The following SND1 variants were observed in gnomAD, a reference collection of about 807,000 sequenced individuals.
SND1 encodes staphylococcal nuclease domain-containing protein 1.
SND1 carries 38 observed loss-of-function variants against 121.7 expected under a neutral mutation model. The observed-to-expected ratio is 0.31, with a 90% confidence interval of 0.24 to 0.41. The LOEUF (loss-of-function observed/expected upper bound fraction) is 0.41. Among genes scored for constraint, SND1 ranks in the 10% least tolerant of loss-of-function variants. The pLI is 1.00. For missense variants in SND1, 868 were observed against 1,184.6 expected (o/e 0.73, Z 3.92); for synonymous variants, 401 against 447.4 (o/e 0.90, Z 1.31).
chr7:127,922,723 T>G (rs1471917522), intron 14 of SND1, among the ~76,000 whole-genome samples: 2 of 152,202 alleles, frequency 1.3e-5, no homozygotes, highest in Non-Finnish European at 2.9e-5. Flanking sequence ...TTTGGAAACT[T>G]TGCTTAGCCA....
intron 15 of SND1, among the ~76,000 whole-genome samples, chr7:127,955,002 T>C (rs1801559970): frequency 6.6e-6 from 1 of 152,146 alleles, no homozygotes; most frequent in Admixed American, 6.5e-5. Flanking sequence ...ATCCTGCCAA[T>C]AAAGAATCTC....
At chr7:127,898,334 C>T (rs1318728904) in intron 13 of SND1, among the ~76,000 whole-genome samples, 1 of 152,154 alleles carries the variant, frequency 6.6e-6, no homozygotes, top group African/African-American at 2.4e-5. Context: ...AGTCTATGCA[C>T]TCTCAATCTT....
At chr7:127,866,471 G>A (rs1799479627) in intron 12 of SND1, among the ~76,000 whole-genome samples, 1 of 152,114 alleles carries the variant, frequency 6.6e-6, no homozygotes, top group African/African-American at 2.4e-5. Context: ...GTTCCTTGGG[G>A]TATTGAGAGA....
intron 16 of SND1, among the ~76,000 whole-genome samples, chr7:128,001,872 G>A (rs778938950): frequency 5.9e-5 from 9 of 152,132 alleles, no homozygotes; most frequent in Non-Finnish European, 1.0e-4. Context: ...CGGAGGTTGC[G>A]GTGAGCCAAG....
intron 16 of SND1, chr7:128,031,739 GCGGCGGCGGCCGCAGCCCC>G (rs1344950336): frequency 1.4e-5 from 2 of 144,418 alleles, no homozygotes; most frequent in African/African-American, 5.0e-5. Flanking sequence ...GGGTCCGGCG[GCGGCGGCGGCCGCAGCCCC>G]CGGCGGCGCG....
At chr7:127,666,788 C>A (rs989438612) in intron 1 of SND1, among the ~76,000 whole-genome samples, 1 of 152,118 alleles carries the variant, frequency 6.6e-6, no homozygotes, top group Non-Finnish European at 1.5e-5. Context: ...GTGTGCAGAT[C>A]TGTGTTTGAT....
At chr7:127,885,995 A>G (rs1799899030) in intron 12 of SND1, among the ~76,000 whole-genome samples, 1 of 151,978 alleles carries the variant, frequency 6.6e-6, no homozygotes. Context: ...CTTAGTTTAA[A>G]TCCTCACCAT....
At chr7:127,969,492 G>T (rs968182866) in intron 15 of SND1, among the ~76,000 whole-genome samples, 1 of 152,160 alleles carries the variant, frequency 6.6e-6, no homozygotes, top group Non-Finnish European at 1.5e-5. Context: ...TTGGGAGGCC[G>T]AGGCGGGCAG....
intron 15 of SND1, among the ~76,000 whole-genome samples, chr7:127,931,651 A>T (rs1800957658): frequency 6.6e-6 from 1 of 152,232 alleles, no homozygotes; most frequent in Non-Finnish European, 1.5e-5. Flanking sequence ...GAGAGAAGTC[A>T]GTGCCTGCCT....
chr7:127,786,094 C>CT (rs796712033), intron 10 of SND1, among the ~76,000 whole-genome samples: 1,620 of 147,166 alleles, frequency 0.011, 17 homozygotes, highest in Non-Finnish European at 0.018. Context: ...TGTTGACATC[C>CT]TTTTTTTTTT....
At position 127,766,934 on chromosome 7, in the gene SND1, G is replaced by A. The variant is rs139969269; in HGVS notation, c.1153-40550G>A. On this transcript the variant is annotated intron_variant, in intron 10 of 23. Transcript: ENST00000354725. ...AGTTCCTCCAGGCTCTGGTGCCTGC[G>A]TTTTGTGGTTTGTAAAGTGCTGTGT... 4.0e-3 allele frequency among the ~76,000 whole-genome samples: 614 copies of A among 151,784 alleles called. 9 individuals are homozygous for A. Among genetic ancestry groups the A allele is most frequent in the East Asian group, 0.027 (141 of 5,144 alleles).
intron 16 of SND1, among the ~76,000 whole-genome samples, chr7:128,013,568 A>G (rs1053062173): frequency 2.6e-5 from 4 of 152,242 alleles, no homozygotes; most frequent in African/African-American, 9.6e-5. Context: ...ACTAGGGATC[A>G]GTTTCATGGA....
chr7:127,685,593 C>G (rs1795798419), intron 1 of SND1, among the ~76,000 whole-genome samples: 1 of 152,204 alleles, frequency 6.6e-6, no homozygotes, highest in South Asian at 2.1e-4. Flanking sequence ...TTCTCCCCTG[C>G]AAATACTTTA....
intron 21 of SND1, among the ~76,000 whole-genome samples, chr7:128,087,918 C>G (rs1417468063): frequency 6.6e-6 from 1 of 152,128 alleles, no homozygotes; most frequent in Non-Finnish European, 1.5e-5. Flanking sequence ...CCAGATCCCC[C>G]GGGAGCTCAG....
At chr7:127,990,623 G>A (rs542953220) in intron 15 of SND1, among the ~76,000 whole-genome samples, 42 of 152,326 alleles carry the variant, frequency 2.8e-4, no homozygotes, top group African/African-American at 8.7e-4. Context: ...CTATGGGACC[G>A]TCAGTTGGAG....
rs183358546 is a variant in SND1, at chr7:127,921,981, C to T, written c.1528-7207C>T. ...CGTCCAGACCATTATCTTTGCTTTGCCTTGCTTTGTTTTTTTTAAAGAATG... is the reference window on the plus strand; with the variant it reads ...CGTCCAGACCATTATCTTTGCTTTGTCTTGCTTTGTTTTTTTTAAAGAATG... On this transcript the variant is annotated intron_variant, in intron 14 of 23. Coordinates refer to ENST00000354725, the MANE Select transcript of SND1 (RefSeq NM_014390.4). 4.6e-5 allele frequency among the ~76,000 whole-genome samples: 7 copies of T among 151,714 alleles called. No homozygotes were observed. In the East Asian group the frequency reaches 1.2e-3, roughly 25 times the overall value.
intron 14 of SND1, among the ~76,000 whole-genome samples, chr7:127,926,125 C>T (rs1176155835): frequency 1.3e-5 from 2 of 152,076 alleles, no homozygotes; most frequent in African/African-American, 4.8e-5. Context: ...ATAGCTACAT[C>T]GCCTGAGGAA....
In SND1 at chr7:127,661,907, G is replaced by A. The variant is rs532713768; in HGVS notation, c.78+9456G>A. 3.3e-5 allele frequency among the ~76,000 whole-genome samples: 5 copies of A among 152,246 alleles called. No individual in the cohort carries two copies. In the East Asian group the frequency reaches 9.7e-4, roughly 29 times the overall value. ...GAGGTGGGTAGATCACTTGAGGTTA[G>A]GAGTTTGAGACCAGCCTGGCCAACA... is the stretch of plus-strand genomic sequence containing the variant. On this transcript the variant is annotated intron_variant, in intron 1 of 23. Transcript: ENST00000354725.
At chr7:127,882,504 C>A (rs1194086482) in intron 12 of SND1, among the ~76,000 whole-genome samples, 2 of 151,876 alleles carry the variant, frequency 1.3e-5, no homozygotes, top group Non-Finnish European at 2.9e-5. Context: ...AGCACTGGAA[C>A]ATTATTTTCC....
Sources: gnomAD v4.1 joint callset for allele counts (sites outside exome capture counted in the v4.1 genomes callset) on GRCh38, gnomAD v4.1.1 for gene constraint, MANE v1.5 for transcripts, NCBI Gene and HGNC (gene_info 2026-07-23, HGNC 2026-07-21) for gene names.